Variants in SLC35B3 observed in about 807,000 individuals in gnomAD.
SLC35B3 encodes solute carrier family 35 member B3.
In SLC35B3, 35 loss-of-function variants were observed where a neutral mutation model predicts 44.1. The ratio of observed to expected loss-of-function variants is 0.79; its 90% confidence interval spans 0.61 to 1.05. The LOEUF (loss-of-function observed/expected upper bound fraction) is 1.05. Ranked by LOEUF, SLC35B3 falls within the 50% of genes least tolerant of loss-of-function variation. The pLI, the probability that SLC35B3 is intolerant of heterozygous loss-of-function variation, is 0.00. For missense variants in SLC35B3, 414 were observed against 476.4 expected, an observed-to-expected ratio of 0.87 and a Z score of 1.22; for synonymous variants, 146 against 167.3, an observed-to-expected ratio of 0.87 and a Z score of 0.98.
intron 9 of SLC35B3, 68 bp from the exon 9 acceptor site, chr6:8,415,045 C>T: frequency 9.2e-7 from 1 of 1,090,768 alleles, no homozygotes; most frequent in Non-Finnish European, 1.4e-6. Flanking sequence ...ATCACTTATT[C>T]AGCAAATATT....
At chr6:8,429,668 C>T in intron 3 of SLC35B3, 196 bp downstream of exon 2, 2 of 439,702 alleles carry the variant, frequency 4.5e-6, no homozygotes, top group South Asian at 4.7e-5. Context: ...CTACATATGC[C>T]TCCTCCCCAC....
rs192836441 is a variant in SLC35B3, at chr6:8,413,408, G to A, written c.*141C>T. On this transcript the variant is annotated 3_prime_UTR_variant, in exon 11 of 11. Coordinates refer to ENST00000644923, the MANE Select transcript of SLC35B3 (RefSeq NM_001370476.2). ...ATGCTCTGAAGAAAAGGCTGACACC[G>A]CAAAACAACTTCATATGAAATCTGT... 1.7e-5 allele frequency: 12 copies of A among 697,658 alleles called. No homozygotes were observed. The highest frequency in any genetic ancestry group is 7.3e-5 in the Admixed American group (2 of 27,248). 43.2% of individuals were successfully genotyped at this position (697,658 alleles called of 1,614,324 possible).
At position 8,434,033 on chromosome 6, in the gene SLC35B3, A is replaced by AAAATAT. The variant is rs144245781; in HGVS notation, c.3+351_3+352insATATTT. 1.9e-4 allele frequency among the ~76,000 whole-genome samples: 9 copies of AAAATAT among 48,228 alleles called. No individual in the cohort carries two copies. Among genetic ancestry groups the AAAATAT allele is most frequent in the Non-Finnish European group, 3.0e-4 (7 of 23,728 alleles). The allele number at this position is 48,228 out of a possible 152,430, so 31.6% of individuals were successfully genotyped here. ...AGCTCACAGTAATCAGTGAAACTAA[A>AAAATAT]ATATATATATATATATTTTAAAAAT... On this transcript the variant is annotated intron_variant, in intron 2 of 10. Coordinates refer to ENST00000644923, the MANE Select transcript of SLC35B3 (RefSeq NM_001370476.2). The surrounding 1 kb of genome is among the most constrained non-coding windows in gnomAD (Gnocchi z 6.3).
At chr6:8,418,852 TA>T (rs1376745010) in intron 7 of SLC35B3, 1 of 231,258 alleles carries the variant, frequency 4.3e-6, no homozygotes, top group East Asian at 1.6e-4. Context: ...TTTGGGAATA[TA>T]AACACCCCAG....
rs1764069363 is a variant in SLC35B3, at chr6:8,432,315, A to T, written c.3+2070T>A. On this transcript the variant is annotated intron_variant, in intron 2 of 10. Transcript: ENST00000644923. This position sits in a 1 kb window ranked among gnomAD's most constrained non-coding sequence, Gnocchi z 4.8. ...TGGGGAAAATTTACAAATAATGCTT[A>T]CATATTTACACATACATACAGAATA... Among the ~76,000 whole-genome samples the T allele has an allele frequency of 6.6e-6, 1 of 152,064 alleles. No individual in the cohort carries two copies. The highest frequency in any genetic ancestry group is 6.5e-5 in the Admixed American group (1 of 15,270).
At chr6:8,417,922 C>G (rs549596337) in intron 7 of SLC35B3, among the ~76,000 whole-genome samples, 1 of 152,202 alleles carries the variant, frequency 6.6e-6, no homozygotes, top group African/African-American at 2.4e-5. Context: ...CTTAACTTCT[C>G]TATTTTCCAA....
In SLC35B3 at chr6:8,433,700, G is replaced by A. The variant is rs1434390184; in HGVS notation, c.3+685C>T. 2.0e-5 allele frequency among the ~76,000 whole-genome samples: 3 copies of A among 152,134 alleles called. No homozygotes were observed. The highest frequency in any genetic ancestry group is 4.4e-5 in the Non-Finnish European group (3 of 68,026). On this transcript the variant is annotated intron_variant, in intron 2 of 10. Transcript: ENST00000644923. This position sits in a 1 kb window ranked among gnomAD's most constrained non-coding sequence, Gnocchi z 4.1. The stretch of plus-strand genomic sequence containing the variant: ...TTGAAATGAACATGAAAATAAATTT[G>A]TTTCCTCTGCCTGAGGCATCAGTCT...
At position 8,420,891 on chromosome 6, in the gene SLC35B3, C is replaced by G; in HGVS notation, c.575-63G>C. 2 of 1,288,216 alleles carry G rather than the reference C, an allele frequency of 1.6e-6. No individual in the cohort carries two copies. The highest frequency in any genetic ancestry group is 2.6e-5 in the South Asian group (2 of 76,600). 79.8% of individuals were successfully genotyped at this position (1,288,216 alleles called of 1,614,324 possible). A position where few individuals can be genotyped will look rare whatever the true frequency, so the allele number is the denominator to read the frequency against. On this transcript the variant is annotated intron_variant, in intron 5 of 10. Coordinates refer to ENST00000644923, the MANE Select transcript of SLC35B3 (RefSeq NM_001370476.2). The surrounding 1 kb of genome is among the most constrained non-coding windows in gnomAD (Gnocchi z 4.4). ...ATACCCACCCAGCTTTATATTTGCTCTATGTGTTAAGTAGAACATGGATTT... is the reference window on the plus strand; with the variant it reads ...ATACCCACCCAGCTTTATATTTGCTGTATGTGTTAAGTAGAACATGGATTT...
In SLC35B3 at chr6:8,413,713, A is replaced by G. The variant is rs765435995; in HGVS notation, c.1056-14T>C. On this transcript the variant is annotated splice_polypyrimidine_tract_variant and intron_variant, in intron 10 of 10. Coordinates refer to ENST00000644923, the MANE Select transcript of SLC35B3 (RefSeq NM_001370476.2). Reference sequence around the variant, plus strand: ...GACCATACATACCTAAGAGAAAGAAATAAGGAAAAAAAATTAAAATTAGCA... The same window carrying G: ...GACCATACATACCTAAGAGAAAGAAGTAAGGAAAAAAAATTAAAATTAGCA... 2.1e-6 allele frequency: 3 copies of G among 1,452,790 alleles called. No individual in the cohort carries two copies. The highest frequency in any genetic ancestry group is 2.8e-6 in the Non-Finnish European group (3 of 1,080,112). The allele number at this position is 1,452,790 out of a possible 1,614,324, so 90.0% of individuals were successfully genotyped here. A position where few individuals can be genotyped will look rare whatever the true frequency, so the allele number is the denominator to read the frequency against.
rs1764059311 is a variant in SLC35B3 at position 8,432,259 on chromosome 6, G to A, written c.4-2102C>T. 6.6e-6 allele frequency among the ~76,000 whole-genome samples: 1 copy of A among 151,750 alleles called. No homozygotes were observed. The highest frequency in any genetic ancestry group is 1.5e-5 in the Non-Finnish European group (1 of 67,958). On this transcript the variant is annotated intron_variant, in intron 2 of 10. Transcript: ENST00000644923. This position sits in a 1 kb window ranked among gnomAD's most constrained non-coding sequence, Gnocchi z 4.8. Reference sequence around the variant, plus strand: ...GGATGGTGGTACTGGCAAACTTTATGAGCAAAACTGAAAATCTTATAGAAA... The same window carrying A: ...GGATGGTGGTACTGGCAAACTTTATAAGCAAAACTGAAAATCTTATAGAAA...
rs1235963379 is a variant in SLC35B3 at position 8,422,388 on chromosome 6, A to G, written c.574+82T>C. On this transcript the variant is annotated intron_variant, in intron 5 of 10. Coordinates refer to ENST00000644923, the MANE Select transcript of SLC35B3 (RefSeq NM_001370476.2). The stretch of plus-strand genomic sequence containing the variant: ...AGAATGCTCATTGAAAATGTAATAG[A>G]AGTTTAATGTTTTTCCTAATGCTAG... The G allele has an allele frequency of 3.0e-5, 31 of 1,016,610 alleles. No homozygotes were observed. The East Asian group carries it at 7.5e-4, about 25-fold the overall frequency. The allele number at this position is 1,016,610 out of a possible 1,614,324, so 63.0% of individuals were successfully genotyped here. A position where few individuals can be genotyped will look rare whatever the true frequency, so the allele number is the denominator to read the frequency against.
At chr6:8,414,683 A>C (rs1451887294) in intron 10 of SLC35B3, among the ~76,000 whole-genome samples, 1 of 152,184 alleles carries the variant, frequency 6.6e-6, no homozygotes, top group Non-Finnish European at 1.5e-5. Context: ...ATAATAAATT[A>C]CCAACATTTC....
intron 4 of SLC35B3, among the ~76,000 whole-genome samples, chr6:8,423,375 T>A (rs1763114477): frequency 6.6e-6 from 1 of 151,102 alleles, no homozygotes; most frequent in Non-Finnish European, 1.5e-5. Context: ...CTCTCTATAT[T>A]CTATGTTATA....
At chr6:8,431,376 T>C (rs1763968813) in intron 2 of SLC35B3, among the ~76,000 whole-genome samples, 1 of 152,198 alleles carries the variant, frequency 6.6e-6, no homozygotes, top group African/African-American at 2.4e-5. Flanking sequence ...TGTTACAAGA[T>C]GGCTTAAAAT....
In SLC35B3 at chr6:8,419,806, G is replaced by A; in HGVS notation, c.683-129C>T. The A allele has an allele frequency of 2.0e-6, 1 of 488,284 alleles. No homozygotes were observed. Among genetic ancestry groups the A allele is most frequent in the Non-Finnish European group, 3.7e-6 (1 of 267,758 alleles). The allele number at this position is 488,284 out of a possible 1,614,324, so 30.2% of individuals were successfully genotyped here. A position where few individuals can be genotyped will look rare whatever the true frequency, so the allele number is the denominator to read the frequency against. ...GCAGATCTTCAACTACATTTGTTCG[G>A]TAATCCAGAATATTCTTATTCACAA... On this transcript the variant is annotated intron_variant, in intron 6 of 10. Coordinates refer to ENST00000644923, the MANE Select transcript of SLC35B3 (RefSeq NM_001370476.2). This position sits in a 1 kb window ranked among gnomAD's most constrained non-coding sequence, Gnocchi z 4.3.
In SLC35B3 at chr6:8,434,310, G is replaced by A. The variant is rs1174085793; in HGVS notation, c.3+75C>T. On this transcript the variant is annotated intron_variant, in intron 2 of 10. Transcript: ENST00000644923. This position sits in a 1 kb window ranked among gnomAD's most constrained non-coding sequence, Gnocchi z 6.3. ...TAGAATATGAAAAAAAAGTCATTAC[G>A]GTGTCATTAACCTGAAAAAACGTGA... The A allele has an allele frequency of 1.1e-5, 15 of 1,371,254 alleles. No individual in the cohort carries two copies. The African/African-American group carries it at 2.0e-4, about 19-fold the overall frequency. The allele number at this position is 1,371,254 out of a possible 1,614,324, so 84.9% of individuals were successfully genotyped here.
chr6:8,432,558 G>A lies in SLC35B3; in HGVS notation c.3+1827C>T, dbSNP rs1006746529. ...CATGCTTTGGAATTTTGACAGATAT[G>A]AGTTCAAGATCTGGCTTTACTACTT... On this transcript the variant is annotated intron_variant, in intron 2 of 10. Transcript: ENST00000644923. This position sits in a 1 kb window ranked among gnomAD's most constrained non-coding sequence, Gnocchi z 4.8. 6.6e-6 allele frequency among the ~76,000 whole-genome samples: 1 copy of A among 152,084 alleles called. No homozygotes were observed. Among genetic ancestry groups the A allele is most frequent in the African/African-American group, 2.4e-5 (1 of 41,426 alleles).
Position 8,419,848 on chromosome 6 carries a change from C to G in SLC35B3, c.683-171G>C, listed in dbSNP as rs750441377. ...TATTCACAATCGGTTGTAACAAGTA[C>G]ATATGTGATGATATTAAAAAAGATA... is the stretch of plus-strand genomic sequence containing the variant. On this transcript the variant is annotated intron_variant, in intron 6 of 10. Coordinates refer to ENST00000644923, the MANE Select transcript of SLC35B3 (RefSeq NM_001370476.2). This position sits in a 1 kb window ranked among gnomAD's most constrained non-coding sequence, Gnocchi z 4.3. 1.3e-5 allele frequency among the ~76,000 whole-genome samples: 2 copies of G among 152,042 alleles called. No individual in the cohort carries two copies. The highest frequency in any genetic ancestry group is 2.9e-5 in the Non-Finnish European group (2 of 67,956).
chr6:8,430,509 G>A (rs926364549), intron 2 of SLC35B3, among the ~76,000 whole-genome samples: 1 of 152,094 alleles, frequency 6.6e-6, no homozygotes, highest in African/African-American at 2.4e-5. Context: ...TTGTAGAGGA[G>A]TAAAAAATAA....
Sources: allele counts gnomAD v4.1 joint callset (sites outside exome capture counted in the v4.1 genomes callset), GRCh38; gene constraint gnomAD v4.1.1; non-coding constraint Gnocchi (gnomAD v3.1); transcripts MANE v1.5; gene names NCBI Gene and HGNC (gene_info 2026-07-23, HGNC 2026-07-21).